Variants in UNC5A observed in about 807,000 individuals in gnomAD.
The protein encoded by UNC5A is netrin receptor UNC5A.
Under a neutral mutation model 87.4 loss-of-function variants are expected in UNC5A, and 20 were observed. The ratio of observed to expected loss-of-function variants is 0.23; its 90% CI spans 0.16 to 0.33. The LOEUF (loss-of-function observed/expected upper bound fraction) is 0.33, where lower values mean the gene tolerates loss of function less well. Among genes scored for constraint, UNC5A ranks in the 10% least tolerant of loss-of-function variants. UNC5A has a pLI of 1.00. For synonymous variants in UNC5A, 438 were observed against 482.3 expected (o/e 0.91, Z 1.20); for missense variants, 844 against 1,133.4 (o/e 0.74, Z 3.67).
At chr5:176,861,074 C>G (rs1757825333) in intron 1 of UNC5A, among the ~76,000 whole-genome samples, 1 of 152,202 alleles carries the variant, frequency 6.6e-6, no homozygotes, top group South Asian at 2.1e-4. Flanking sequence ...CAGCCAGCCT[C>G]CCTCTGCCAT....
chr5:176,814,701 TCTC>T (rs1270144998), intron 1 of UNC5A, among the ~76,000 whole-genome samples: 2 of 152,168 alleles, frequency 1.3e-5, no homozygotes, highest in African/African-American at 2.4e-5. Flanking sequence ...GCCTCCTCCT[TCTC>T]CTCCAGTGCC....
rs1463253348 is a variant in UNC5A at position 176,868,874 on chromosome 5, G to A, written c.631G>A (p.Ala211Thr). 1 of 1,612,898 alleles carries A rather than the reference G, an allele frequency of 6.2e-7. No individual in the cohort carries two copies. Among genetic ancestry groups the A allele is most frequent in the Non-Finnish European group, 8.5e-7 (1 of 1,179,874 alleles). The change falls in exon 5 of 15, where the codon GCC (alanine) becomes ACC (threonine). Residue 211 changes from alanine to threonine, a missense_variant. Physicochemically the swap from Ala to Thr is moderately conservative, Grantham distance 58. Coordinates refer to ENST00000329542, the MANE Select transcript of UNC5A (RefSeq NM_133369.3). The stretch of plus-strand genomic sequence containing the variant: ...GGAGCACAGCCTGGTGGTGCGACAG[G>A]CCCGCCTTGCTGACACGGCCAACTA... Reference protein sequence around the residue: ...TREHSLVVRQARLADTANYTC... With the variant: ...TREHSLVVRQTRLADTANYTC...
intron 1 of UNC5A, among the ~76,000 whole-genome samples, chr5:176,812,168 T>C (rs1170480997): frequency 6.6e-6 from 1 of 152,078 alleles, no homozygotes. Context: ...TGCTGTTGGG[T>C]GTGTGTCCGT....
intron 2 of UNC5A, among the ~76,000 whole-genome samples, chr5:176,863,323 C>T (rs536743396): frequency 4.6e-5 from 7 of 152,316 alleles, no homozygotes; most frequent in African/African-American, 1.7e-4. Flanking sequence ...GAGGCAGACG[C>T]CGGCATGCCG....
At position 176,879,978 on chromosome 5, in the gene UNC5A, G is replaced by A. The variant is rs2149371810; in HGVS notation, c.*92G>A. The A allele has an allele frequency of 2.0e-6, 3 of 1,468,162 alleles. No homozygotes were observed. Among genetic ancestry groups the A allele is most frequent in the East Asian group, 4.9e-5 (2 of 40,488 alleles). The allele number at this position is 1,468,162 out of a possible 1,614,324, so 90.9% of individuals were successfully genotyped here. ...GACAGGGGCCCTTCCCCACACCGGG[G>A]AGAGCTGCTCGGACAGGCCCCCTCC... On this transcript the variant is annotated 3_prime_UTR_variant, in exon 15 of 15. Transcript: ENST00000329542.
rs1757469810 is a variant in UNC5A, at chr5:176,848,586, G to A, written c.71-14038G>A. 6.6e-6 allele frequency among the ~76,000 whole-genome samples: 1 copy of A among 152,184 alleles called. No homozygotes were observed. Among genetic ancestry groups the A allele is most frequent in the Non-Finnish European group, 1.5e-5 (1 of 68,040 alleles). On this transcript the variant is annotated intron_variant, in intron 1 of 14. Transcript: ENST00000329542. The surrounding 1 kb of genome is among the most constrained non-coding windows in gnomAD (Gnocchi z 5.8). ...TCCTGTCTCATCAGGGGTGTGATGGGAGCGGCCAGACACCCTATTCCCAGA... is the reference window on the plus strand; with the variant it reads ...TCCTGTCTCATCAGGGGTGTGATGGAAGCGGCCAGACACCCTATTCCCAGA...
intron 2 of UNC5A, chr5:176,864,963 G>T (rs1046351354): frequency 1.0e-5 from 4 of 386,366 alleles, no homozygotes; most frequent in Non-Finnish European, 2.1e-5. Flanking sequence ...TGCTGGGAGG[G>T]TCTGCAGGAG....
intron 1 of UNC5A, among the ~76,000 whole-genome samples, chr5:176,857,499 C>T (rs1045454830): frequency 4.6e-5 from 7 of 152,074 alleles, no homozygotes; most frequent in East Asian, 1.9e-4. Flanking sequence ...CCTACACACA[C>T]GCACACACAC....
chr5:176,852,752 C>T (rs1300205543), intron 1 of UNC5A, among the ~76,000 whole-genome samples: 3 of 152,210 alleles, frequency 2.0e-5, no homozygotes, highest in Non-Finnish European at 4.4e-5. Context: ...GCGGTGGGTT[C>T]AGGTACTTAG....
intron 1 of UNC5A, among the ~76,000 whole-genome samples, chr5:176,852,780 C>T (rs1485474265): frequency 6.6e-6 from 1 of 152,232 alleles, no homozygotes; most frequent in Non-Finnish European, 1.5e-5. Flanking sequence ...AACAGTGTCA[C>T]ACTAAGTGTG....
At chr5:176,879,251 GC>G (rs1758352392) in intron 13 of UNC5A, 58 bp from the exon 14 acceptor site, 1 of 1,511,380 alleles carries the variant, frequency 6.6e-7, no homozygotes. Flanking sequence ...GCAGGAGGTG[GC>G]GGTGGACCCG....
chr5:176,814,845 G>A (rs1054514564), intron 1 of UNC5A, among the ~76,000 whole-genome samples: 13 of 152,220 alleles, frequency 8.5e-5, no homozygotes, highest in African/African-American at 2.7e-4. Flanking sequence ...TTTGCAGGCA[G>A]GGAGGGCTGC....
intron 1 of UNC5A, among the ~76,000 whole-genome samples, chr5:176,818,028 G>A (rs1756636716): frequency 1.3e-5 from 2 of 152,072 alleles, no homozygotes; most frequent in Admixed American, 1.3e-4. Flanking sequence ...CTGCCGCCCC[G>A]GGAGCGGGCG....
chr5:176,879,003 G>A (rs541994716), intron 13 of UNC5A, among the ~76,000 whole-genome samples: 14 of 152,296 alleles, frequency 9.2e-5, no homozygotes, highest in African/African-American at 2.9e-4. Flanking sequence ...GACTCAGGCC[G>A]TGAAGAGAGC....
Position 176,819,144 on chromosome 5 carries a change from C to G in UNC5A, c.70+8324C>G, listed in dbSNP as rs554721926. Among the ~76,000 whole-genome samples, 149 of 152,266 alleles carry G rather than the reference C, an allele frequency of 9.8e-4. 1 individual carries two copies. Among genetic ancestry groups the G allele is most frequent in the Admixed American group, 9.7e-3 (148 of 15,282 alleles). ...TGGCCACACCTGCCCCTTTCCTGGC[C>G]AGCCCTCCCCAGCCCTCTCAGCTGC... is the stretch of plus-strand genomic sequence containing the variant. On this transcript the variant is annotated intron_variant, in intron 1 of 14. Transcript: ENST00000329542.
At position 176,870,450 on chromosome 5, in the gene UNC5A, G is replaced by C; in HGVS notation, c.802G>C (p.Asp268His). The change falls in exon 6 of 15, where the codon GAC becomes CAC. Residue 268 changes from aspartate to histidine, a missense_variant. By Grantham distance (81) the Asp-to-His change is moderately conservative. Around this residue, in one of 3 missense-constraint regions of UNC5A, gnomAD observed 314 missense variants for 466.5 expected, o/e 0.67. Coordinates refer to ENST00000329542, the MANE Select transcript of UNC5A (RefSeq NM_133369.3). ...CCACTGGCGGAGCCGTGAGTGCTCT[G>C]ACCCAGCACCCCGCAACGGAGGGGA... ...CTHWRSRECSDPAPRNGGEEC... is the reference protein window; with the variant it reads ...CTHWRSRECSHPAPRNGGEEC... The C allele has an allele frequency of 6.2e-7, 1 of 1,612,004 alleles. No homozygotes were observed. Among genetic ancestry groups the C allele is most frequent in the Non-Finnish European group, 8.5e-7 (1 of 1,179,266 alleles).
intron 1 of UNC5A, among the ~76,000 whole-genome samples, chr5:176,813,011 C>A (rs761421363): frequency 7.2e-5 from 11 of 152,178 alleles, no homozygotes; most frequent in Non-Finnish European, 1.3e-4. Flanking sequence ...CAGGGGGCGC[C>A]GGGGGCCAGC....
Position 176,848,280 on chromosome 5 carries a change from C to T in UNC5A, c.71-14344C>T, listed in dbSNP as rs571028340. On this transcript the variant is annotated intron_variant, in intron 1 of 14. Coordinates refer to ENST00000329542, the MANE Select transcript of UNC5A (RefSeq NM_133369.3). The surrounding 1 kb of genome is among the most constrained non-coding windows in gnomAD (Gnocchi z 5.8). The stretch of plus-strand genomic sequence containing the variant: ...CCAGCTTCTCTCTCCCCTGCTACCC[C>T]AAAGCACAAGAGGGTGTGCAGGGAT... 6.6e-6 allele frequency among the ~76,000 whole-genome samples: 1 copy of T among 152,188 alleles called. No individual in the cohort carries two copies. Among genetic ancestry groups the T allele is most frequent in the East Asian group, 1.9e-4 (1 of 5,166 alleles).
At position 176,880,065 on chromosome 5, in the gene UNC5A, G is replaced by T; in HGVS notation, c.*179G>T. ...CCTGCCCGAACTCCCACCTCTCCAT[G>T]GCCTGCCTAGCCAGGCTGGCACTGC... On this transcript the variant is annotated 3_prime_UTR_variant, in exon 15 of 15. Transcript: ENST00000329542. 1.2e-6 allele frequency: 1 copy of T among 812,648 alleles called. No homozygotes were observed. The highest frequency in any genetic ancestry group is 1.9e-6 in the Non-Finnish European group (1 of 538,110). The allele number at this position is 812,648 out of a possible 1,614,324, so 50.3% of individuals were successfully genotyped here.
Sources: allele counts gnomAD v4.1 joint callset (sites outside exome capture counted in the v4.1 genomes callset), GRCh38; gene constraint gnomAD v4.1.1; regional missense constraint gnomAD v4.1.1; non-coding constraint Gnocchi (gnomAD v3.1); transcripts MANE v1.5; gene names NCBI Gene and HGNC (gene_info 2026-07-23, HGNC 2026-07-21).